GRM8: variants seen among roughly 807,000 people sequenced by gnomAD.
GRM8 encodes the protein metabotropic glutamate receptor 8.
Under a neutral mutation model 87.2 loss-of-function variants are expected in GRM8, and 47 were observed. That is an observed-to-expected ratio of 0.54 (90% CI 0.43 to 0.69). The LOEUF (loss-of-function observed/expected upper bound fraction) is 0.69, where lower values mean the gene tolerates loss of function less well. Among genes scored for constraint, GRM8 ranks in the 30% least tolerant of loss-of-function variants. The probability of loss-of-function intolerance (pLI) is 0.00; values close to 1 mark genes in which losing one functional copy is unlikely to be tolerated. For synonymous variants in GRM8, 396 were observed against 404.5 expected, an observed-to-expected ratio of 0.98 and a Z score of 0.25; for missense variants, 1,019 against 1,139.2, an observed-to-expected ratio of 0.89 and a Z score of 1.52.
intron 9 of GRM8, among the ~76,000 whole-genome samples, chr7:126,510,949 C>T (rs1460694176): frequency 1.3e-5 from 2 of 152,130 alleles, no homozygotes; most frequent in Admixed American, 6.6e-5. Context: ...TGGCCTTGGA[C>T]TCATTAGCGC....
intron 2 of GRM8, among the ~76,000 whole-genome samples, chr7:127,205,700 C>T (rs1377438935): frequency 6.6e-6 from 1 of 152,132 alleles, no homozygotes; most frequent in Non-Finnish European, 1.5e-5. Flanking sequence ...GGAGGCTCCC[C>T]CACCTGCTAA....
chr7:126,899,011 C>G (rs184500672), intron 6 of GRM8, among the ~76,000 whole-genome samples: 1 of 145,868 alleles, frequency 6.9e-6, no homozygotes, highest in Non-Finnish European at 1.5e-5. Flanking sequence ...CTCCCACTTA[C>G]GAGTGTAAAA....
At chr7:126,738,710 T>C (rs1376913932) in intron 7 of GRM8, among the ~76,000 whole-genome samples, 1 of 113,192 alleles carries the variant, frequency 8.8e-6, no homozygotes, top group Non-Finnish European at 1.8e-5. Flanking sequence ...GAGTGGGGGG[T>C]TGGGGGATGC....
chr7:126,466,222 A>G (rs116321924), intron 9 of GRM8, among the ~76,000 whole-genome samples: 1,845 of 151,900 alleles, frequency 0.012, 53 homozygotes, highest in African/African-American at 0.042. Flanking sequence ...TCCATTATAA[A>G]GAGGGTATTT....
At chr7:126,946,777 G>A (rs1190700611) in intron 3 of GRM8, among the ~76,000 whole-genome samples, 2 of 152,186 alleles carry the variant, frequency 1.3e-5, no homozygotes, top group African/African-American at 4.8e-5. Context: ...TTAAGCCATT[G>A]AGTTTTGGGA....
intron 3 of GRM8, among the ~76,000 whole-genome samples, chr7:126,995,437 G>A (rs958923539): frequency 2.6e-5 from 4 of 152,166 alleles, no homozygotes; most frequent in Non-Finnish European, 5.9e-5. Context: ...TAGCTCTTTC[G>A]AGGAAACTCA....
At position 127,014,926 on chromosome 7, in the gene GRM8, G is replaced by GGA. The variant is rs772874613; in HGVS notation, c.727+91568_727+91569dup. Among the ~76,000 whole-genome samples, 89 of 135,812 alleles carry GGA rather than the reference G, an allele frequency of 6.6e-4. 1 individual carries two copies. The highest frequency in any genetic ancestry group is 1.4e-3 in the East Asian group (6 of 4,342). The allele number at this position is 135,812 out of a possible 152,430, so 89.1% of individuals were successfully genotyped here. On this transcript the variant is annotated intron_variant, in intron 3 of 10. Coordinates refer to ENST00000339582, the MANE Select transcript of GRM8 (RefSeq NM_000845.3). ...ATGGGAGGGGAGAAAGGAAAGAGAA[G>GGA]GAGAGAGAGAGAGAGAGAAAGAGAG...
intron 7 of GRM8, among the ~76,000 whole-genome samples, chr7:126,692,574 A>T (rs968427610): frequency 1.3e-5 from 2 of 152,246 alleles, no homozygotes; most frequent in Non-Finnish European, 2.9e-5. Context: ...GGAAGATTGA[A>T]TTCTTGCAGC....
At chr7:126,857,152 G>A (rs1209636881) in intron 6 of GRM8, among the ~76,000 whole-genome samples, 1 of 152,190 alleles carries the variant, frequency 6.6e-6, no homozygotes, top group East Asian at 1.9e-4. Flanking sequence ...AGGGACAAGG[G>A]AGAGATTCAA....
chr7:127,050,494 G>C (rs1819357727), intron 3 of GRM8, among the ~76,000 whole-genome samples: 1 of 152,116 alleles, frequency 6.6e-6, no homozygotes, highest in Non-Finnish European at 1.5e-5. Context: ...TATTTCATTG[G>C]TCTCTTTTTA....
intron 9 of GRM8, among the ~76,000 whole-genome samples, chr7:126,516,779 T>C (rs1812231588): frequency 6.6e-6 from 1 of 152,130 alleles, no homozygotes; most frequent in Non-Finnish European, 1.5e-5. Context: ...CTTGTATATA[T>C]CTTACTTTAT....
intron 6 of GRM8, among the ~76,000 whole-genome samples, chr7:126,820,542 A>G (rs762499971): frequency 1.3e-5 from 2 of 152,186 alleles, no homozygotes; most frequent in Non-Finnish European, 2.9e-5. Flanking sequence ...CAAAAACTGA[A>G]CCTTGGATAA....
intron 5 of GRM8, among the ~76,000 whole-genome samples, chr7:126,902,977 C>G (rs1484212280): frequency 6.6e-6 from 1 of 152,142 alleles, no homozygotes; most frequent in Non-Finnish European, 1.5e-5. Flanking sequence ...TCTACTACTC[C>G]CAGAGGCAGC....
At chr7:126,526,391 AGTT>A (rs1171687809) in intron 9 of GRM8, among the ~76,000 whole-genome samples, 165 of 152,334 alleles carry the variant, frequency 1.1e-3, no homozygotes, top group African/African-American at 3.8e-3. Flanking sequence ...ATATTCAGAA[AGTT>A]CAACCATTTC....
At chr7:126,499,200 AT>A (rs532153147) in intron 9 of GRM8, among the ~76,000 whole-genome samples, 11,836 of 146,410 alleles carry the variant, frequency 0.081, 1,299 homozygotes, top group African/African-American at 0.26. Context: ...TGCAAACTAC[AT>A]TTTTTTTTTT....
intron 9 of GRM8, among the ~76,000 whole-genome samples, chr7:126,449,965 C>A (rs1231763636): frequency 6.6e-6 from 1 of 151,780 alleles, no homozygotes. Context: ...ACATTTTGAA[C>A]CTGAAGCAGT....
intron 3 of GRM8, among the ~76,000 whole-genome samples, chr7:126,941,312 T>C (rs552773174): frequency 6.6e-6 from 1 of 152,186 alleles, no homozygotes; most frequent in South Asian, 2.1e-4. Flanking sequence ...ATATACTTAT[T>C]TGAAAGTGTT....
chr7:126,715,565 AT>A (rs929593583), intron 7 of GRM8, among the ~76,000 whole-genome samples: 1 of 152,056 alleles, frequency 6.6e-6, no homozygotes, highest in African/African-American at 2.4e-5. Context: ...TACCTTTCTG[AT>A]TTTTTGCTAC....
intron 7 of GRM8, among the ~76,000 whole-genome samples, chr7:126,766,491 T>A (rs1818210205): frequency 6.6e-6 from 1 of 152,170 alleles, no homozygotes; most frequent in Admixed American, 6.6e-5. Context: ...ACTAAGTAAT[T>A]CCATCTAATG....
Sources: gnomAD v4.1 joint callset for allele counts (sites outside exome capture counted in the v4.1 genomes callset) on GRCh38, gnomAD v4.1.1 for gene constraint, MANE v1.5 for transcripts, NCBI Gene and HGNC (gene_info 2026-07-23, HGNC 2026-07-21) for gene names.